MICU1: variants seen among roughly 807,000 people sequenced by gnomAD.
MICU1 encodes calcium uptake protein 1, mitochondrial.
In MICU1, 45 loss-of-function variants were observed where a neutral mutation model predicts 56.8. The observed-to-expected ratio is 0.79, with a 90% CI of 0.62 to 1.02. The LOEUF is 1.02. MICU1 is among the 50% of genes least tolerant of loss of function. The pLI is 0.00. For synonymous variants in MICU1, 186 were observed against 195.1 expected, an observed-to-expected ratio of 0.95 and a Z score of 0.39; for missense variants, 504 against 587.1, an observed-to-expected ratio of 0.86 and a Z score of 1.46.
At chr10:72,474,996 C>T in intron 8 of MICU1, 104 bp downstream of exon 8, 4 of 936,722 alleles carry the variant, frequency 4.3e-6, no homozygotes, top group Non-Finnish European at 4.7e-6. Context: ...TCAAATCAAT[C>T]AGTTCTCACA....
At position 72,512,100 on chromosome 10, in the gene MICU1, G is replaced by GTTTTTT. The variant is rs1199987987; in HGVS notation, c.538-3837_538-3832dup. Among the ~76,000 whole-genome samples, 234 of 82,354 alleles carry GTTTTTT rather than the reference G, an allele frequency of 2.8e-3. 45 individuals are homozygous for GTTTTTT. Among genetic ancestry groups the GTTTTTT allele is most frequent in the African/African-American group, 0.012 (210 of 17,260 alleles). 54.0% of individuals were successfully genotyped at this position (82,354 alleles called of 152,430 possible). The stretch of plus-strand genomic sequence containing the variant: ...ATCAATCTGGCATCCATACACAGTT[G>GTTTTTT]TTTTTTGTTTTTTTTTTTTTTTTTT... On this transcript the variant is annotated intron_variant, in intron 5 of 11. Transcript: ENST00000361114.
At chr10:72,371,086 A>T (rs1299354583) in intron 11 of MICU1, among the ~76,000 whole-genome samples, 3 of 151,754 alleles carry the variant, frequency 2.0e-5, no homozygotes, top group Admixed American at 6.6e-5. Flanking sequence ...ATAAAAAGTT[A>T]AAAAATAGCC....
chr10:72,571,383 C>G (rs1211711972), intron 1 of MICU1, among the ~76,000 whole-genome samples: 1 of 152,050 alleles, frequency 6.6e-6, no homozygotes, highest in Non-Finnish European at 1.5e-5. Flanking sequence ...AAAGTTCTAA[C>G]AGGCAAGGGG....
intron 4 of MICU1, among the ~76,000 whole-genome samples, chr10:72,537,277 G>A (rs1176699230): frequency 2.0e-5 from 3 of 152,208 alleles, no homozygotes; most frequent in African/African-American, 7.2e-5. Context: ...GAAGTGGAGT[G>A]TGGGGAATGT....
intron 10 of MICU1, among the ~76,000 whole-genome samples, chr10:72,405,576 C>CAAA (rs60182582): frequency 3.1e-5 from 4 of 129,634 alleles, no homozygotes; most frequent in Non-Finnish European, 3.2e-5. Flanking sequence ...AAAGACATTA[C>CAAA]AAAAAAAAAA....
At chr10:72,620,644 G>C (rs535155882) in intron 1 of MICU1, among the ~76,000 whole-genome samples, 1 of 152,188 alleles carries the variant, frequency 6.6e-6, no homozygotes, top group South Asian at 2.1e-4. Flanking sequence ...ATTAGTCTAG[G>C]AAACATTTAT....
intron 1 of MICU1, among the ~76,000 whole-genome samples, chr10:72,588,563 T>A (rs905429235): frequency 6.6e-6 from 1 of 152,206 alleles, no homozygotes; most frequent in Non-Finnish European, 1.5e-5. Flanking sequence ...AATTGGTTAG[T>A]GTAGTTAGAC....
intron 8 of MICU1, among the ~76,000 whole-genome samples, chr10:72,428,551 T>C (rs538563955): frequency 6.6e-6 from 1 of 152,260 alleles, no homozygotes; most frequent in East Asian, 1.9e-4. Context: ...TGACATCAGG[T>C]GATCCACCCG....
At position 72,533,795 on chromosome 10, in the gene MICU1, AAAG is replaced by A. The variant is rs757436360; in HGVS notation, c.494-9_494-7del. ...ATATTGATCCAGACCCAAGTCTGTA[AAAG>A]AAAAGGAAAAAACATTTAGCTACTG... On this transcript the variant is annotated splice_polypyrimidine_tract_variant and splice_region_variant and intron_variant, in intron 4 of 11. Transcript: ENST00000361114. 6.4e-7 allele frequency: 1 copy of A among 1,573,928 alleles called. No individual in the cohort carries two copies. Among genetic ancestry groups the A allele is most frequent in the Admixed American group, 1.9e-5 (1 of 53,854 alleles).
intron 5 of MICU1, among the ~76,000 whole-genome samples, chr10:72,526,527 C>T (rs987147402): frequency 2.0e-5 from 3 of 152,158 alleles, no homozygotes; most frequent in Admixed American, 6.5e-5. Context: ...AACTCCTGAC[C>T]TCAAGTGATC....
At chr10:72,481,880 T>G (rs934618478) in intron 6 of MICU1, among the ~76,000 whole-genome samples, 11 of 152,204 alleles carry the variant, frequency 7.2e-5, no homozygotes, top group Admixed American at 4.6e-4. Flanking sequence ...ACTATACACC[T>G]TTCACTTAGA....
At chr10:72,425,677 C>T (rs549459456) in intron 8 of MICU1, among the ~76,000 whole-genome samples, 3 of 152,224 alleles carry the variant, frequency 2.0e-5, no homozygotes, top group Non-Finnish European at 2.9e-5. Flanking sequence ...TTTTGGGCAG[C>T]ACCTCTCCTT....
intron 1 of MICU1, among the ~76,000 whole-genome samples, chr10:72,590,944 T>C (rs1162695773): frequency 6.6e-6 from 1 of 151,146 alleles, no homozygotes; most frequent in Non-Finnish European, 1.5e-5. Context: ...ATACACATTC[T>C]TCTCGAGGGT....
At chr10:72,517,196 C>G (rs1255578319) in intron 5 of MICU1, among the ~76,000 whole-genome samples, 2 of 152,148 alleles carry the variant, frequency 1.3e-5, no homozygotes, top group African/African-American at 4.8e-5. Context: ...TATTCTGTGC[C>G]TATGGCTGCT....
chr10:72,397,487 C>T (rs532588655), intron 10 of MICU1, among the ~76,000 whole-genome samples: 2 of 152,190 alleles, frequency 1.3e-5, no homozygotes, highest in East Asian at 3.9e-4. Flanking sequence ...TACAGACTGG[C>T]AAATTGGATA....
At chr10:72,493,240 C>T (rs914498255) in intron 6 of MICU1, among the ~76,000 whole-genome samples, 1 of 152,054 alleles carries the variant, frequency 6.6e-6, no homozygotes, top group African/African-American at 2.4e-5. Context: ...CACAATTTTT[C>T]CCCCACTTTC....
intron 4 of MICU1, among the ~76,000 whole-genome samples, chr10:72,539,633 GAAGA>G (rs1230263214): frequency 2.6e-5 from 4 of 152,100 alleles, no homozygotes; most frequent in African/African-American, 9.6e-5. Context: ...CACTGAAAAA[GAAGA>G]AAGCCCTCAA....
chr10:72,388,253 G>GT (rs1490025006), intron 10 of MICU1, among the ~76,000 whole-genome samples: 1 of 152,210 alleles, frequency 6.6e-6, no homozygotes, highest in Non-Finnish European at 1.5e-5. Flanking sequence ...ATTGGAAGGT[G>GT]TATCTATATC....
intron 4 of MICU1, among the ~76,000 whole-genome samples, chr10:72,546,914 T>C (rs1292816034): frequency 6.7e-6 from 1 of 148,558 alleles, no homozygotes; most frequent in African/African-American, 2.5e-5. Flanking sequence ...TTTTTTGAGA[T>C]GGAGTCTCGC....
Sources: gnomAD v4.1 joint callset for allele counts (sites outside exome capture counted in the v4.1 genomes callset) on GRCh38, gnomAD v4.1.1 for gene constraint, MANE v1.5 for transcripts, NCBI Gene and HGNC (gene_info 2026-07-23, HGNC 2026-07-21) for gene names.